EPHB2: variants seen among roughly 807,000 people sequenced by gnomAD.
The protein encoded by EPHB2 is ephrin type-B receptor 2.
A neutral mutation model predicts 96.4 loss-of-function variants in EPHB2; 18 were observed. The ratio of observed to expected loss-of-function variants is 0.19; its 90% CI spans 0.13 to 0.28. The LOEUF is 0.28. Ranked by LOEUF, EPHB2 falls within the 10% of genes least tolerant of loss-of-function variation. The pLI, the probability that EPHB2 is intolerant of heterozygous loss-of-function variation, is 1.00. For synonymous variants in EPHB2, 506 were observed against 534.1 expected, an observed-to-expected ratio of 0.95 and a Z score of 0.72; for missense variants, 989 against 1,355.4, an observed-to-expected ratio of 0.73 and a Z score of 4.25.
intron 6 of EPHB2, among the ~76,000 whole-genome samples, chr1:22,890,211 G>A: frequency 6.6e-6 from 1 of 152,140 alleles, no homozygotes; most frequent in Non-Finnish European, 1.5e-5. Context: ...GGCGAGAGGA[G>A]CCTCAGCTGG....
chr1:22,756,345 G>T (rs926663767), intron 1 of EPHB2, among the ~76,000 whole-genome samples: 1 of 152,102 alleles, frequency 6.6e-6, no homozygotes, highest in East Asian at 1.9e-4. Context: ...TCCACTGGGC[G>T]GCTGGCCTGG....
chr1:22,782,558 G>T (rs1047743523), intron 2 of EPHB2, among the ~76,000 whole-genome samples: 1 of 152,076 alleles, frequency 6.6e-6, no homozygotes, highest in African/African-American at 2.4e-5. Flanking sequence ...CTGCGAAGGC[G>T]GCTGGGCCCA....
At chr1:22,909,193 CA>C in intron 13 of EPHB2, 22 bp downstream of exon 13, 1 of 1,614,136 alleles carries the variant, frequency 6.2e-7, no homozygotes, top group Non-Finnish European at 8.5e-7. Flanking sequence ...AGGGGATAGG[CA>C]AGGCCTCTCT....
chr1:22,717,020 T>G (rs1323304467), intron 1 of EPHB2, among the ~76,000 whole-genome samples: 2 of 152,162 alleles, frequency 1.3e-5, no homozygotes, highest in Non-Finnish European at 2.9e-5. Context: ...GTCTTTCCAT[T>G]AGGCAGGCAA....
intron 1 of EPHB2, among the ~76,000 whole-genome samples, chr1:22,757,163 G>A (rs112985863): frequency 0.021 from 3,152 of 152,126 alleles, 108 homozygotes; most frequent in African/African-American, 0.071. Context: ...GGGTGATAGG[G>A]GGTTGCTTTT....
chr1:22,837,014 T>C (rs1052698353), intron 3 of EPHB2, among the ~76,000 whole-genome samples: 16 of 152,186 alleles, frequency 1.1e-4, no homozygotes, highest in African/African-American at 3.9e-4. Context: ...TCCAAGTGGC[T>C]GGAGCAAGAC....
At chr1:22,735,276 A>G (rs1439818389) in intron 1 of EPHB2, among the ~76,000 whole-genome samples, 2 of 151,898 alleles carry the variant, frequency 1.3e-5, no homozygotes, top group Non-Finnish European at 2.9e-5. Context: ...CATCTCTACT[A>G]AATTTTTTTT....
intron 3 of EPHB2, among the ~76,000 whole-genome samples, chr1:22,841,832 A>G (rs58506061): frequency 0.058 from 8,869 of 152,252 alleles, 764 homozygotes; most frequent in African/African-American, 0.2. Flanking sequence ...TGCTGTCTCC[A>G]GGAGGGATCC....
At chr1:22,901,988 G>T (rs561264430) in intron 9 of EPHB2, among the ~76,000 whole-genome samples, 2 of 152,066 alleles carry the variant, frequency 1.3e-5, no homozygotes, top group South Asian at 4.2e-4. Context: ...GCCATGCCTG[G>T]CTAACTTATT....
At chr1:22,798,410 A>G (rs1007775072) in intron 3 of EPHB2, among the ~76,000 whole-genome samples, 4 of 151,906 alleles carry the variant, frequency 2.6e-5, no homozygotes, top group Non-Finnish European at 5.9e-5. Context: ...CTAAGATCTC[A>G]AATCCCTCTT....
intron 3 of EPHB2, among the ~76,000 whole-genome samples, chr1:22,828,083 G>A (rs973748630): frequency 1.3e-5 from 2 of 152,196 alleles, no homozygotes; most frequent in African/African-American, 2.4e-5. Context: ...TGGCCATGGG[G>A]GATCTCTGTT....
chr1:22,881,049 G>A (rs1008026933), intron 5 of EPHB2, among the ~76,000 whole-genome samples: 1 of 152,088 alleles, frequency 6.6e-6, no homozygotes, highest in Non-Finnish European at 1.5e-5. Flanking sequence ...ATGCAGGAGG[G>A]GATCACTTAA....
intron 1 of EPHB2, among the ~76,000 whole-genome samples, chr1:22,766,923 G>A (rs565826830): frequency 3.8e-4 from 58 of 152,362 alleles, no homozygotes; most frequent in African/African-American, 1.4e-3. Context: ...AGGGCACTGG[G>A]CCCAGCTGTG....
intron 3 of EPHB2, among the ~76,000 whole-genome samples, chr1:22,814,878 C>T (rs979961625): frequency 2.0e-5 from 3 of 152,226 alleles, no homozygotes; most frequent in African/African-American, 4.8e-5. Context: ...GCCGGCTCAT[C>T]TGGGGTACAT....
intron 3 of EPHB2, among the ~76,000 whole-genome samples, chr1:22,843,171 T>A (rs1315610215): frequency 6.6e-6 from 1 of 152,186 alleles, no homozygotes; most frequent in African/African-American, 2.4e-5. Context: ...ACCATCCAAC[T>A]GTAACCTCAT....
intron 1 of EPHB2, among the ~76,000 whole-genome samples, chr1:22,757,867 GC>G (rs567099236): frequency 7.2e-5 from 1 of 13,910 alleles, no homozygotes; most frequent in Non-Finnish European, 2.1e-3. Context: ...TTTCCCCCCA[GC>G]AAAAAAAAAT....
intron 1 of EPHB2, among the ~76,000 whole-genome samples, chr1:22,764,790 C>T (rs1334045863): frequency 1.3e-5 from 2 of 152,158 alleles, no homozygotes; most frequent in Admixed American, 6.5e-5. Flanking sequence ...TGGGATGTGC[C>T]GCTGGATAGG....
Position 22,906,575 on chromosome 1 carries a change from G to T in EPHB2, c.1889-135G>T. 5 of 1,375,586 alleles carry T rather than the reference G, an allele frequency of 3.6e-6. No homozygotes were observed. Among genetic ancestry groups the T allele is most frequent in the Non-Finnish European group, 5.0e-6 (5 of 1,004,314 alleles). The allele number at this position is 1,375,586 out of a possible 1,614,324, so 85.2% of individuals were successfully genotyped here. On this transcript the variant is annotated intron_variant, in intron 10 of 15. Transcript: ENST00000374630. The surrounding 1 kb of genome is among the most constrained non-coding windows in gnomAD (Gnocchi z 4.8). ...CCCCTGACATTCTTGAAGGGGTTCT[G>T]TGTCTGCAAGGATGAGTGGGCCATT...
chr1:22,909,306 G>A, intron 13 of EPHB2, 135 bp downstream of exon 13: 1 of 1,371,704 alleles, frequency 7.3e-7, no homozygotes, highest in South Asian at 1.2e-5. Flanking sequence ...GGCTCCCAGG[G>A]CAGCTGCCAG....
Sources: allele counts gnomAD v4.1 joint callset (sites outside exome capture counted in the v4.1 genomes callset), GRCh38; gene constraint gnomAD v4.1.1; non-coding constraint Gnocchi (gnomAD v3.1); transcripts MANE v1.5; gene names NCBI Gene and HGNC (gene_info 2026-07-23, HGNC 2026-07-21).